Variants in DPP4 observed in about 807,000 individuals in gnomAD.
DPP4 encodes dipeptidyl peptidase 4.
Under a neutral mutation model 122.4 loss-of-function variants are expected in DPP4, and 93 were observed. The observed-to-expected ratio is 0.76, with a 90% CI of 0.64 to 0.90. The LOEUF is 0.90. Ranked by LOEUF, DPP4 falls within the 40% of genes least tolerant of loss-of-function variation. The probability of loss-of-function intolerance (pLI) is 0.00; values close to 1 mark genes in which losing one functional copy is unlikely to be tolerated. For synonymous variants in DPP4, 321 were observed against 302.9 expected, an observed-to-expected ratio of 1.06 and a Z score of -0.62; for missense variants, 914 against 907.3, an observed-to-expected ratio of 1.01 and a Z score of -0.09.
Position 162,008,589 on chromosome 2 carries a change from C to G in DPP4, c.1960G>C (p.Ala654Pro). Residue 654 changes from alanine to proline, a missense_variant, in exon 22 of 26, where the codon GCG becomes CCG. Ala to Pro is a conservative substitution (Grantham distance 27). Coordinates refer to ENST00000360534, the MANE Select transcript of DPP4 (RefSeq NM_001935.4). ...SGVFKCGIAV[A>P]PVSRWEYYDS... The stretch of plus-strand genomic sequence containing the variant: ...TAGTACTCCCACCGGGATACAGGCG[C>G]CACGGCTATTCCACACTTGAACACG... The G allele has an allele frequency of 6.2e-7, 1 of 1,613,610 alleles. No homozygotes were observed. Among genetic ancestry groups the G allele is most frequent in the Non-Finnish European group, 8.5e-7 (1 of 1,179,702 alleles).
chr2:161,999,832 C>A (rs1193903764), intron 23 of DPP4, among the ~76,000 whole-genome samples: 2 of 152,090 alleles, frequency 1.3e-5, no homozygotes, highest in Non-Finnish European at 2.9e-5. Context: ...TGGCAGCTGC[C>A]ATGTTTTGAA....
rs571556073 is a variant in DPP4, at chr2:162,037,899, A to G, written c.613+403T>C. 4.6e-5 allele frequency among the ~76,000 whole-genome samples: 7 copies of G among 152,236 alleles called. No homozygotes were observed. In the South Asian group the frequency reaches 1.4e-3, roughly 32 times the overall value. ...TCTTCCCCTGTACTCTCCAACCTGT[A>G]TATATTATTTTATCATCTTCTCAAT... On this transcript the variant is annotated intron_variant, in intron 8 of 25. Coordinates refer to ENST00000360534, the MANE Select transcript of DPP4 (RefSeq NM_001935.4).
intron 7 of DPP4, 83 bp downstream of exon 7, chr2:162,038,866 T>A: frequency 8.3e-7 from 1 of 1,208,930 alleles, no homozygotes; most frequent in Non-Finnish European, 1.2e-6. Flanking sequence ...TCCTAAGATG[T>A]CTGCTTTGTA....
chr2:162,016,064 C>T lies in DPP4; in HGVS notation c.1567+704G>A, dbSNP rs185652539. Among the ~76,000 whole-genome samples the T allele has an allele frequency of 5.9e-5, 9 of 152,268 alleles. No homozygotes were observed. In the East Asian group the frequency reaches 1.5e-3, roughly 26 times the overall value. ...CACGAGGATGCTATACTTTCCTGTG[C>T]TTTTCCTGATATTTAAAATTAGATG... On this transcript the variant is annotated intron_variant, in intron 18 of 25. Transcript: ENST00000360534.
At chr2:162,060,164 T>C (rs1684714221) in intron 2 of DPP4, among the ~76,000 whole-genome samples, 1 of 152,228 alleles carries the variant, frequency 6.6e-6, no homozygotes, top group Non-Finnish European at 1.5e-5. Context: ...AATGCTTTCT[T>C]GGCATTTTTT....
intron 14 of DPP4, 126 bp from the exon 15 acceptor site, chr2:162,019,402 G>A (rs989216991): frequency 5.1e-6 from 3 of 586,424 alleles, no homozygotes; most frequent in South Asian, 2.5e-5. Flanking sequence ...GCCGCCCTCC[G>A]CCATCGCTTC....
intron 5 of DPP4, among the ~76,000 whole-genome samples, chr2:162,044,874 G>A (rs1378570043): frequency 6.6e-6 from 1 of 152,138 alleles, no homozygotes; most frequent in East Asian, 1.9e-4. Context: ...GGTGGGGCCC[G>A]AAGGTTGGGA....
At chr2:162,019,193 CTCAAG>C in intron 15 of DPP4, 25 bp downstream of exon 15, 3 of 1,575,666 alleles carry the variant, frequency 1.9e-6, no homozygotes, top group Middle Eastern at 1.7e-4. Flanking sequence ...GCTAAAATGA[CTCAAG>C]TCAACAACTT....
At chr2:162,016,892 C>T in intron 17 of DPP4, 26 bp from the exon 18 acceptor site, 1 of 1,582,144 alleles carries the variant, frequency 6.3e-7, no homozygotes, top group Non-Finnish European at 8.6e-7. Context: ...AGACAGCAGT[C>T]ATTCATTACA....
At chr2:162,006,186 G>A (rs140428188) in intron 22 of DPP4, among the ~76,000 whole-genome samples, 131 of 152,198 alleles carry the variant, frequency 8.6e-4, no homozygotes, top group African/African-American at 2.9e-3. Flanking sequence ...AAGTGCTAAG[G>A]GGTAAGGGAT....
intron 22 of DPP4, among the ~76,000 whole-genome samples, chr2:162,006,745 T>C (rs968642085): frequency 2.0e-5 from 3 of 152,134 alleles, no homozygotes; most frequent in Admixed American, 2.0e-4. Context: ...TGAGGCCAAA[T>C]TGCAGTAAAA....
intron 19 of DPP4, among the ~76,000 whole-genome samples, chr2:162,013,354 C>T (rs1447053657): frequency 6.6e-6 from 1 of 152,110 alleles, no homozygotes; most frequent in African/African-American, 2.4e-5. Context: ...GAATTGACTT[C>T]ATTTGTTACA....
At chr2:162,023,401 C>G (rs749724445) in intron 11 of DPP4, among the ~76,000 whole-genome samples, 1 of 152,158 alleles carries the variant, frequency 6.6e-6, no homozygotes, top group Non-Finnish European at 1.5e-5. Flanking sequence ...CCATTTCTTA[C>G]GAGATAAGTC....
Position 162,008,439 on chromosome 2 carries a change from C to G in DPP4, c.1987+123G>C. The G allele has an allele frequency of 6.5e-6, 5 of 770,172 alleles. No individual in the cohort carries two copies. In the East Asian group the frequency reaches 1.3e-4, roughly 20 times the overall value. The allele number at this position is 770,172 out of a possible 1,614,324, so 47.7% of individuals were successfully genotyped here. Reference sequence around the variant, plus strand: ...CTTATTATAGGTATCCAAAAAGAACCTCTAAGATGAATCAGCCTATTATTC... The same window carrying G: ...CTTATTATAGGTATCCAAAAAGAACGTCTAAGATGAATCAGCCTATTATTC... On this transcript the variant is annotated intron_variant, in intron 22 of 25. Transcript: ENST00000360534.
intron 2 of DPP4, among the ~76,000 whole-genome samples, chr2:162,047,952 T>C (rs938983542): frequency 1.3e-5 from 2 of 152,194 alleles, no homozygotes; most frequent in Non-Finnish European, 2.9e-5. Flanking sequence ...ATTCTAACTC[T>C]CAAATCTGAT....
chr2:161,996,742 T>A (rs1701015496), intron 23 of DPP4, among the ~76,000 whole-genome samples: 1 of 152,222 alleles, frequency 6.6e-6, no homozygotes, highest in Non-Finnish European at 1.5e-5. Flanking sequence ...TGTTCTATTT[T>A]ATTATTAGCT....
intron 1 of DPP4, 63 bp from the exon 2 acceptor site, chr2:162,073,549 G>A: frequency 6.6e-7 from 1 of 1,526,592 alleles, no homozygotes; most frequent in Non-Finnish European, 9.1e-7. Flanking sequence ...TCCGTAGGAG[G>A]GTCGGGGCTG....
chr2:162,019,200 C>T (rs1559710957), intron 15 of DPP4, 23 bp downstream of exon 15: 4 of 1,588,336 alleles, frequency 2.5e-6, no homozygotes, highest in South Asian at 1.1e-5. Context: ...TGACTCAAGT[C>T]AACAACTTGA....
chr2:162,023,052 G>T (rs1683192223), intron 11 of DPP4, among the ~76,000 whole-genome samples: 1 of 152,148 alleles, frequency 6.6e-6, no homozygotes. Flanking sequence ...AAACTAAAGA[G>T]AATTTCATTT....
Sources: allele counts gnomAD v4.1 joint callset (sites outside exome capture counted in the v4.1 genomes callset), GRCh38; gene constraint gnomAD v4.1.1; transcripts MANE v1.5; gene names NCBI Gene and HGNC (gene_info 2026-07-23, HGNC 2026-07-21).